Variants in CAMTA1 observed in about 807,000 individuals in gnomAD.
CAMTA1 encodes the protein calmodulin-binding transcription activator 1.
In CAMTA1, 27 loss-of-function variants were observed where a neutral mutation model predicts 170.9. That is an observed-to-expected ratio of 0.16 (90% CI 0.12 to 0.22). The LOEUF (loss-of-function observed/expected upper bound fraction) is 0.22, where lower values mean the gene tolerates loss of function less well. Among genes scored for constraint, CAMTA1 ranks in the 10% least tolerant of loss-of-function variants. CAMTA1 has a pLI of 1.00. For missense variants in CAMTA1, 1,619 were observed against 2,217.2 expected, an observed-to-expected ratio of 0.73 and a Z score of 5.42; for synonymous variants, 833 against 891.5, an observed-to-expected ratio of 0.93 and a Z score of 1.17.
intron 6 of CAMTA1, among the ~76,000 whole-genome samples, chr1:7,573,390 G>A (rs2095148093): frequency 1.3e-5 from 2 of 152,198 alleles, no homozygotes; most frequent in Admixed American, 6.5e-5. Flanking sequence ...TGTGCTCAGC[G>A]GGGCCACAGC....
intron 3 of CAMTA1, among the ~76,000 whole-genome samples, chr1:6,833,749 C>A (rs550931334): frequency 6.6e-6 from 1 of 152,306 alleles, no homozygotes; most frequent in South Asian, 2.1e-4. Flanking sequence ...GGAAACGTAA[C>A]CACAAATCAC....
chr1:7,182,249 T>C (rs1652323367), intron 4 of CAMTA1, among the ~76,000 whole-genome samples: 2 of 152,098 alleles, frequency 1.3e-5, no homozygotes, highest in African/African-American at 2.4e-5. Context: ...ATCATAAAAG[T>C]ACTAGAAGTG....
intron 3 of CAMTA1, among the ~76,000 whole-genome samples, chr1:6,886,832 G>A (rs1347752718): frequency 6.6e-6 from 1 of 152,210 alleles, no homozygotes; most frequent in Non-Finnish European, 1.5e-5. Context: ...TCTGGGGCTT[G>A]CCTTCAGCTT....
In CAMTA1 at chr1:7,467,860, A is replaced by G. The variant is rs746853979; in HGVS notation, c.469A>G (p.Ile157Val). Residue 157 changes from isoleucine (I) to valine (V), a missense_variant, in exon 6 of 23, where the codon ATC becomes GTC. By Grantham distance (29) the Ile-to-Val change is conservative. Coordinates refer to ENST00000303635, the MANE Select transcript of CAMTA1 (RefSeq NM_015215.4). ...CLYGCYVHSS[I>V]IPTFHRRCYW... ...GTACGGCTGCTATGTCCATTCCTCC[A>G]TCATCCCCACCTTCCACCGGAGGTG... 1 of 1,613,444 alleles carries G rather than the reference A, an allele frequency of 6.2e-7. No homozygotes were observed. The highest frequency in any genetic ancestry group is 8.5e-7 in the Non-Finnish European group (1 of 1,179,790).
intron 3 of CAMTA1, among the ~76,000 whole-genome samples, chr1:7,032,727 G>A (rs1026254897): frequency 3.3e-5 from 5 of 151,840 alleles, no homozygotes; most frequent in African/African-American, 1.2e-4. Flanking sequence ...AATATTTCTT[G>A]TAGTGCATGT....
At chr1:7,126,707 A>G (rs1008114756) in intron 4 of CAMTA1, among the ~76,000 whole-genome samples, 2 of 152,118 alleles carry the variant, frequency 1.3e-5, no homozygotes, top group Non-Finnish European at 2.9e-5. Flanking sequence ...AGCTTGCAAC[A>G]CCTATTTGGA....
intron 3 of CAMTA1, among the ~76,000 whole-genome samples, chr1:6,878,026 A>C (rs1431648403): frequency 1.3e-5 from 2 of 152,232 alleles, no homozygotes; most frequent in African/African-American, 4.8e-5. Context: ...GATAGACTGC[A>C]CGTATCTGTG....
chr1:6,899,683 T>G (rs551427566), intron 3 of CAMTA1, among the ~76,000 whole-genome samples: 1 of 152,266 alleles, frequency 6.6e-6, no homozygotes, highest in East Asian at 1.9e-4. Context: ...ATTTTTGTGA[T>G]GGAGGCAGGA....
At chr1:7,409,188 A>AG (rs2090522006) in intron 5 of CAMTA1, among the ~76,000 whole-genome samples, 1 of 152,218 alleles carries the variant, frequency 6.6e-6, no homozygotes, top group Admixed American at 6.5e-5. Context: ...CAGGGCATGC[A>AG]GGCTGGACTT....
chr1:7,445,527 G>A (rs1214923318), intron 5 of CAMTA1, among the ~76,000 whole-genome samples: 1 of 152,102 alleles, frequency 6.6e-6, no homozygotes, highest in Non-Finnish European at 1.5e-5. Context: ...CACCCAAGGT[G>A]ACCCTGGACG....
chr1:6,995,581 C>T (rs1049679362), intron 3 of CAMTA1, among the ~76,000 whole-genome samples: 3 of 152,224 alleles, frequency 2.0e-5, no homozygotes, highest in East Asian at 1.9e-4. Flanking sequence ...GGATTACAGG[C>T]GTGAGCCACC....
intron 3 of CAMTA1, among the ~76,000 whole-genome samples, chr1:6,851,766 C>A (rs1291186139): frequency 6.6e-6 from 1 of 152,072 alleles, no homozygotes; most frequent in African/African-American, 2.4e-5. Flanking sequence ...GTAATCCCAG[C>A]CACTTGGGAG....
At chr1:7,271,567 GATA>G (rs1249002377) in intron 5 of CAMTA1, among the ~76,000 whole-genome samples, 9 of 109,274 alleles carry the variant, frequency 8.2e-5, no homozygotes, top group African/African-American at 4.7e-4. Context: ...TGAGAAAAGA[GATA>G]GATAGATAGA....
intron 16 of CAMTA1, among the ~76,000 whole-genome samples, chr1:7,742,685 T>C (rs1305882462): frequency 2.0e-5 from 3 of 152,220 alleles, no homozygotes; most frequent in Non-Finnish European, 4.4e-5. Context: ...AGGAAAGTGA[T>C]TGTAGAGTGA....
rs572857282 is a variant in CAMTA1, at chr1:7,223,992, C to T, written c.303-25499C>T. Among the ~76,000 whole-genome samples, 5 of 152,286 alleles carry T rather than the reference C, an allele frequency of 3.3e-5. No homozygotes were observed. The South Asian group carries it at 1.0e-3, about 32-fold the overall frequency. On this transcript the variant is annotated intron_variant, in intron 4 of 22. Transcript: ENST00000303635. ...CGGGGTGGAAGATTGCTGAATAACT[C>T]GATCACCCCAGATGACCAGAGATCT...
intron 1 of CAMTA1, among the ~76,000 whole-genome samples, chr1:6,818,849 C>T (rs982959535): frequency 6.6e-6 from 1 of 151,194 alleles, no homozygotes; most frequent in African/African-American, 2.4e-5. Context: ...CCATGTTATC[C>T]AGGCTGGTCT....
intron 5 of CAMTA1, among the ~76,000 whole-genome samples, chr1:7,367,308 A>G (rs845271): frequency 0.64 from 97,235 of 152,252 alleles, 32,595 homozygotes; most frequent in Middle Eastern, 0.76. Context: ...CGAAAGAGCT[A>G]TAAGCTCCCC....
At chr1:7,582,168 G>A (rs775238590) in intron 6 of CAMTA1, among the ~76,000 whole-genome samples, 39 of 152,268 alleles carry the variant, frequency 2.6e-4, no homozygotes, top group Admixed American at 2.3e-3. Context: ...CCCCAGCAAC[G>A]GCAGGGTCCT....
intron 5 of CAMTA1, among the ~76,000 whole-genome samples, chr1:7,424,988 C>G (rs1315160178): frequency 2.6e-5 from 4 of 152,104 alleles, no homozygotes; most frequent in African/African-American, 9.7e-5. Flanking sequence ...GACTTGGCTT[C>G]ACTTCCAGGG....
Sources: allele counts gnomAD v4.1 joint callset (sites outside exome capture counted in the v4.1 genomes callset), GRCh38; gene constraint gnomAD v4.1.1; transcripts MANE v1.5; gene names NCBI Gene and HGNC (gene_info 2026-07-23, HGNC 2026-07-21).